CCDC88C: variants seen among roughly 807,000 people sequenced by gnomAD.
CCDC88C encodes the protein protein Daple.
CCDC88C carries 131 observed loss-of-function variants against 198.8 expected under a neutral mutation model. The ratio of observed to expected loss-of-function variants is 0.66; its 90% CI spans 0.57 to 0.76. The LOEUF (loss-of-function observed/expected upper bound fraction) is 0.76. Ranked by LOEUF, CCDC88C falls within the 30% of genes least tolerant of loss-of-function variation. CCDC88C has a pLI of 0.00. For synonymous variants in CCDC88C, 1,166 were observed against 1,114.7 expected (o/e 1.05, Z -0.92); for missense variants, 2,553 against 2,631.6 (o/e 0.97, Z 0.65).
At chr14:91,360,865 G>C (rs898583718) in intron 3 of CCDC88C, among the ~76,000 whole-genome samples, 3 of 152,188 alleles carry the variant, frequency 2.0e-5, no homozygotes, top group African/African-American at 2.4e-5. Flanking sequence ...TAAAATTCCA[G>C]TTCTGGTGGG....
intron 3 of CCDC88C, chr14:91,379,100 G>A (rs1291154479): frequency 2.0e-5 from 3 of 152,274 alleles, no homozygotes; most frequent in Admixed American, 2.0e-4. Context: ...CCCACCAGCA[G>A]CTGAGGAAAA....
chr14:91,377,692 A>C (rs1441997354), intron 3 of CCDC88C, among the ~76,000 whole-genome samples: 1 of 152,202 alleles, frequency 6.6e-6, no homozygotes, highest in East Asian at 1.9e-4. Flanking sequence ...GTGAGTAACA[A>C]AGACCTTAAA....
rs766949856 is a variant in CCDC88C, at chr14:91,273,044, G to T, written c.5668C>A (p.Pro1890Thr). Residue 1890 changes from proline to threonine, a missense_variant, in exon 30 of 30, where the codon CCC (proline) becomes ACC (threonine). This residue lies in a region of CCDC88C where 1,293 missense variants were observed against 1,219.6 expected (regional missense o/e 1.06). Coordinates refer to ENST00000389857, the MANE Select transcript of CCDC88C (RefSeq NM_001080414.4). This position sits in a 1 kb window ranked among gnomAD's most constrained non-coding sequence, Gnocchi z 5.6. ...GGGGCCAGCCTCTCCTCCTTTGGGG[G>T]AGCCAGGGAGAAGCGCCTCGTGTCC... Reference protein sequence around the residue: ...PLDTRRFSLAPPKEERLAPLH... With the variant: ...PLDTRRFSLATPKEERLAPLH... 113 of 1,555,070 alleles carry T rather than the reference G, an allele frequency of 7.3e-5. No individual in the cohort carries two copies. In the Middle Eastern group the frequency reaches 1.0e-3, roughly 14 times the overall value.
At chr14:91,304,051 G>A (rs1891458042) in intron 19 of CCDC88C, 73 bp from the exon 20 acceptor site, 1 of 1,530,240 alleles carries the variant, frequency 6.5e-7, no homozygotes, top group East Asian at 2.3e-5. Flanking sequence ...CAGGTCAAGT[G>A]CTCGAGCAGA....
chr14:91,400,392 C>T (rs1156837227), intron 3 of CCDC88C, among the ~76,000 whole-genome samples: 4 of 152,240 alleles, frequency 2.6e-5, no homozygotes. Flanking sequence ...GGAGGGTTCG[C>T]TCTTGAATTC....
At position 91,281,531 on chromosome 14, in the gene CCDC88C, G is replaced by A. The variant is rs1185232271; in HGVS notation, c.4631-6C>T. On this transcript the variant is annotated splice_polypyrimidine_tract_variant and splice_region_variant and intron_variant, in intron 26 of 29. Transcript: ENST00000389857. ...GTTGTCATCTGAGTTATAGCCTAAG[G>A]TGAAAATAAGGCTAGTGAGTCATGG... 1 of 1,613,388 alleles carries A rather than the reference G, an allele frequency of 6.2e-7. No individual in the cohort carries two copies. Among genetic ancestry groups the A allele is most frequent in the East Asian group, 2.2e-5 (1 of 44,862 alleles).
rs147375675 is a variant in CCDC88C at position 91,279,051 on chromosome 14, G to A, written c.4768+187C>T. Among the ~76,000 whole-genome samples, 2,653 of 151,742 alleles carry A rather than the reference G, an allele frequency of 0.017. 73 individuals carry two copies. Among genetic ancestry groups the A allele is most frequent in the African/African-American group, 0.056 (2,334 of 41,342 alleles). On this transcript the variant is annotated intron_variant, in intron 28 of 29. Transcript: ENST00000389857. ...TGAGTAGCTGGGACCACAGGCATGC[G>A]CCACCACGCCTAGCTAATTTTTTAT...
At chr14:91,298,122 T>C (rs561612114) in intron 21 of CCDC88C, among the ~76,000 whole-genome samples, 26 of 152,336 alleles carry the variant, frequency 1.7e-4, no homozygotes, top group Non-Finnish European at 3.7e-4. Context: ...ATTTGGCCTG[T>C]ACAATTTTAC....
intron 3 of CCDC88C, 173 bp downstream of exon 3, chr14:91,408,486 A>G: frequency 4.9e-6 from 3 of 616,776 alleles, no homozygotes; most frequent in Non-Finnish European, 8.9e-6. Context: ...TCAACGCACC[A>G]TCTCATCCTC....
At chr14:91,366,471 G>A (rs1894545725) in intron 3 of CCDC88C, among the ~76,000 whole-genome samples, 1 of 151,706 alleles carries the variant, frequency 6.6e-6, no homozygotes, top group Non-Finnish European at 1.5e-5. Flanking sequence ...CGGCAACAGA[G>A]CAAGACGGTC....
At chr14:91,289,404 T>A in intron 24 of CCDC88C, 61 bp from the exon 25 acceptor site, 1 of 1,423,426 alleles carries the variant, frequency 7.0e-7, no homozygotes, top group Non-Finnish European at 9.9e-7. Context: ...AGTGGGTCCC[T>A]GGTTCCCTAA....
At chr14:91,337,901 C>T in intron 10 of CCDC88C, 104 bp downstream of exon 10, 1 of 1,409,074 alleles carries the variant, frequency 7.1e-7, no homozygotes, top group Non-Finnish European at 9.8e-7. Flanking sequence ...GCTGAAACAG[C>T]TGTGGCTCCG....
chr14:91,345,188 A>ATTTTTTT (rs1322674925), intron 4 of CCDC88C, among the ~76,000 whole-genome samples: 35 of 64,074 alleles, frequency 5.5e-4, no homozygotes, highest in Non-Finnish European at 6.3e-4. Flanking sequence ...ATATATATAT[A>ATTTTTTT]TATTTTTTTT....
intron 3 of CCDC88C, among the ~76,000 whole-genome samples, chr14:91,375,152 C>G (rs541926195): frequency 3.9e-5 from 6 of 152,284 alleles, no homozygotes; most frequent in African/African-American, 1.4e-4. Context: ...TGGGCGGTCT[C>G]GCTCCCCAGG....
At chr14:91,405,236 C>T (rs1317911825) in intron 3 of CCDC88C, among the ~76,000 whole-genome samples, 2 of 152,186 alleles carry the variant, frequency 1.3e-5, no homozygotes, top group Non-Finnish European at 2.9e-5. Flanking sequence ...TCCAGACTGT[C>T]ACTGCTCCAG....
intron 4 of CCDC88C, among the ~76,000 whole-genome samples, chr14:91,345,602 G>C (rs913017113): frequency 6.6e-6 from 1 of 152,084 alleles, no homozygotes; most frequent in Non-Finnish European, 1.5e-5. Context: ...GACAGGCTCT[G>C]CCATTTCACC....
intron 2 of CCDC88C, among the ~76,000 whole-genome samples, chr14:91,415,974 C>T (rs1459925496): frequency 6.6e-6 from 1 of 152,094 alleles, no homozygotes; most frequent in Non-Finnish European, 1.5e-5. Flanking sequence ...GCTTCAAGTG[C>T]CTGTGAATCA....
intron 3 of CCDC88C, among the ~76,000 whole-genome samples, chr14:91,368,315 A>G (rs1331913129): frequency 6.6e-6 from 1 of 152,234 alleles, no homozygotes; most frequent in Admixed American, 6.5e-5. Context: ...GCTGTTAACA[A>G]AAGTTAAAAA....
Position 91,273,134 on chromosome 14 carries a change from G to A in CCDC88C, c.5578C>T (p.Arg1860Trp), listed in dbSNP as rs200488874. 1.1e-4 allele frequency: 176 copies of A among 1,577,062 alleles called. 1 individual carries two copies. In the African/African-American group the frequency reaches 1.9e-3, roughly 17 times the overall value. ...CCAGCCTTTCCCACAAGTGGGGTCCGCTCCCGGGCCAGGCTATGGGAGCTG... is the reference window on the plus strand; with the variant it reads ...CCAGCCTTTCCCACAAGTGGGGTCCACTCCCGGGCCAGGCTATGGGAGCTG... ...PPSSHSLARE[R>W]TPLVGKAGSS... Residue 1860 changes from arginine to tryptophan, a missense_variant, in exon 30 of 30, where the codon CGG (arginine) becomes TGG (tryptophan). Transcript: ENST00000389857. This position sits in a 1 kb window ranked among gnomAD's most constrained non-coding sequence, Gnocchi z 5.6.
Sources: allele counts gnomAD v4.1 joint callset (sites outside exome capture counted in the v4.1 genomes callset), GRCh38; gene constraint gnomAD v4.1.1; regional missense constraint gnomAD v4.1.1; non-coding constraint Gnocchi (gnomAD v3.1); transcripts MANE v1.5; gene names NCBI Gene and HGNC (gene_info 2026-07-23, HGNC 2026-07-21).